The following ZNF469 variants were observed in gnomAD, a reference collection of about 807,000 sequenced individuals.
The protein encoded by ZNF469 is zinc finger protein 469.
In ZNF469, 1 loss-of-function variant was observed where a neutral mutation model predicts 1.0. The ratio of observed to expected loss-of-function variants is 1.00; its 90% CI spans 0.35 to 4.73. The LOEUF (loss-of-function observed/expected upper bound fraction) is 4.73. ZNF469 is among the 30% of genes most tolerant of loss of function. The pLI, the probability that ZNF469 is intolerant of heterozygous loss-of-function variation, is 0.16. For missense variants in ZNF469, 6,100 were observed against 5,356.3 expected (o/e 1.14, Z -4.33); for synonymous variants, 2,703 against 2,363.4 (o/e 1.14, Z -4.17).
At chr16:88,262,050 C>T in the ZNF469 span, among the ~76,000 whole-genome samples, 4 of 152,328 alleles carry the variant, frequency 2.6e-5, no homozygotes, top group African/African-American at 7.2e-5. The surrounding 1 kb of genome is among the most constrained non-coding windows in gnomAD (Gnocchi z 4.3). Flanking sequence ...TGGAGCTTTC[C>T]GAGGCCGATC....
chr16:88,366,867 C>G, the ZNF469 span, among the ~76,000 whole-genome samples: 2 of 150,600 alleles, frequency 1.3e-5, no homozygotes, highest in African/African-American at 4.9e-5. Context: ...ACCATCAACA[C>G]CATCACCACC....
chr16:88,346,805 C>T, the ZNF469 span, among the ~76,000 whole-genome samples: 3 of 152,230 alleles, frequency 2.0e-5, no homozygotes, highest in Admixed American at 1.3e-4. Context: ...GCTCAGGCAG[C>T]GAGCTGGCCC....
chr16:88,148,042 C>T, the ZNF469 span, among the ~76,000 whole-genome samples: 3,494 of 151,886 alleles, frequency 0.023, 146 homozygotes, highest in African/African-American at 0.08. Flanking sequence ...CCGGCGGTCA[C>T]CTGTCTTTGC....
chr16:88,315,722 G>A, the ZNF469 span, among the ~76,000 whole-genome samples: 1 of 152,178 alleles, frequency 6.6e-6, no homozygotes, highest in African/African-American at 2.4e-5. Context: ...AGCTTCTAAA[G>A]CCCCCAGGGT....
chr16:88,121,054 G>C, the ZNF469 span, among the ~76,000 whole-genome samples: 21 of 151,794 alleles, frequency 1.4e-4, no homozygotes, highest in African/African-American at 4.1e-4. Flanking sequence ...TGTGCACAGT[G>C]GGGTGGGGTG....
the ZNF469 span, among the ~76,000 whole-genome samples, chr16:88,290,873 G>C: frequency 6.6e-6 from 1 of 152,150 alleles, no homozygotes; most frequent in Non-Finnish European, 1.5e-5. Context: ...CCACCTTCAG[G>C]ACAGCATCTT....
At chr16:88,229,745 G>A in the ZNF469 span, among the ~76,000 whole-genome samples, 6 of 152,166 alleles carry the variant, frequency 3.9e-5, no homozygotes, top group East Asian at 1.9e-4. Flanking sequence ...ATGCAGGACC[G>A]CAGCTCCCTC....
At chr16:88,303,309 T>C in the ZNF469 span, among the ~76,000 whole-genome samples, 532 of 152,382 alleles carry the variant, frequency 3.5e-3, 5 homozygotes, top group African/African-American at 0.011. Context: ...TATCATTGCA[T>C]AAGTTCTCCT....
the ZNF469 span, chr16:88,195,019 G>A: frequency 2.0e-5 from 3 of 152,270 alleles, no homozygotes; most frequent in South Asian, 2.1e-4. Context: ...GGCCCCAGAG[G>A]TGCAGGCTGA....
chr16:88,147,083 G>T, the ZNF469 span, among the ~76,000 whole-genome samples: 1 of 152,126 alleles, frequency 6.6e-6, no homozygotes, highest in Non-Finnish European at 1.5e-5. Flanking sequence ...TGTGACTGAG[G>T]TTCCCTTTCC....
the ZNF469 span, among the ~76,000 whole-genome samples, chr16:88,109,346 G>T: frequency 6.6e-6 from 1 of 152,208 alleles, no homozygotes; most frequent in Non-Finnish European, 1.5e-5. Context: ...ACCCCTGCAG[G>T]TGTTGCTCCA....
At chr16:88,272,446 G>A in the ZNF469 span, among the ~76,000 whole-genome samples, 5 of 148,346 alleles carry the variant, frequency 3.4e-5, no homozygotes, top group African/African-American at 1.2e-4. Context: ...TGTATGCTGG[G>A]TGGTGAGATA....
the ZNF469 span, among the ~76,000 whole-genome samples, chr16:88,106,802 C>T: frequency 6.6e-6 from 1 of 152,274 alleles, no homozygotes; most frequent in Admixed American, 6.5e-5. Context: ...CACCGCCTGC[C>T]ATTGCCGCAC....
At chr16:88,359,118 C>T in the ZNF469 span, among the ~76,000 whole-genome samples, 2 of 152,222 alleles carry the variant, frequency 1.3e-5, no homozygotes, top group African/African-American at 2.4e-5. Flanking sequence ...TGGCAAGTTA[C>T]GCCCCCACCA....
the ZNF469 span, among the ~76,000 whole-genome samples, chr16:88,126,616 A>C: frequency 2.7e-5 from 3 of 112,794 alleles, no homozygotes; most frequent in East Asian, 7.8e-4. Context: ...CCAACTCTGC[A>C]TTTTTGGGAT....
chr16:88,384,373 C>T (rs1197992453), intron 1 of ZNF469, among the ~76,000 whole-genome samples: 1 of 152,200 alleles, frequency 6.6e-6, no homozygotes, highest in Non-Finnish European at 1.5e-5. Context: ...CCAGCACAGC[C>T]CACAGCCCTG....
chr16:88,105,787 G>T, the ZNF469 span, among the ~76,000 whole-genome samples: 1 of 152,230 alleles, frequency 6.6e-6, no homozygotes, highest in Non-Finnish European at 1.5e-5. Flanking sequence ...GACTGGGTAG[G>T]GGGATAACGG....
chr16:88,192,247 AG>A, the ZNF469 span: 1 of 152,256 alleles, frequency 6.6e-6, no homozygotes, highest in African/African-American at 2.4e-5. Context: ...TGGCTCCTGC[AG>A]GGAGATGGAG....
At chr16:88,185,810 C>G in the ZNF469 span, among the ~76,000 whole-genome samples, 9 of 150,652 alleles carry the variant, frequency 6.0e-5, no homozygotes, top group African/African-American at 4.9e-5. Flanking sequence ...CGCACACACA[C>G]GCATACACGT....
Sources: allele counts gnomAD v4.1 joint callset (sites outside exome capture counted in the v4.1 genomes callset), GRCh38; gene constraint gnomAD v4.1.1; non-coding constraint Gnocchi (gnomAD v3.1); transcripts MANE v1.5; gene names NCBI Gene and HGNC (gene_info 2026-07-23, HGNC 2026-07-21).